Variants in MYO7A observed in about 807,000 individuals in gnomAD.
MYO7A encodes the protein myosin VIIA, also known as unconventional myosin-VIIa.
In MYO7A, 210 loss-of-function variants were observed where a neutral mutation model predicts 263.8. The observed-to-expected ratio is 0.80, with a 90% CI of 0.71 to 0.89. The LOEUF (loss-of-function observed/expected upper bound fraction) is 0.89. Ranked by LOEUF, MYO7A falls within the 40% of genes least tolerant of loss-of-function variation. The pLI is 0.00. For missense variants in MYO7A, 2,820 were observed against 2,968.3 expected (o/e 0.95, Z 1.16); for synonymous variants, 1,239 against 1,197.3 (o/e 1.03, Z -0.72).
intron 4 of MYO7A, among the ~76,000 whole-genome samples, chr11:77,149,239 C>T (rs550415775): frequency 1.3e-5 from 2 of 152,062 alleles, no homozygotes; most frequent in African/African-American, 2.4e-5. Context: ...GAGGGACCCC[C>T]CTGATGCAGG....
chr11:77,214,101 A>G lies in MYO7A; in HGVS notation c.6558+122A>G, dbSNP rs539743095. ...GGGCCTGGGGTCGTGGGCAAGGGTC[A>G]TGCTGGGGCCAAGGTCAGGTCAGTT... On this transcript the variant is annotated intron_variant, in intron 48 of 48. Transcript: ENST00000409709. The G allele has an allele frequency of 8.2e-5, 112 of 1,368,062 alleles. No individual in the cohort carries two copies. The African/African-American group carries it at 1.5e-3, about 19-fold the overall frequency. The allele number at this position is 1,368,062 out of a possible 1,614,324, so 84.7% of individuals were successfully genotyped here. A position where few individuals can be genotyped will look rare whatever the true frequency, so the allele number is the denominator to read the frequency against.
intron 2 of MYO7A, among the ~76,000 whole-genome samples, chr11:77,132,903 GGCC>G (rs1429062730): frequency 6.6e-6 from 1 of 152,222 alleles, no homozygotes; most frequent in Non-Finnish European, 1.5e-5. Context: ...CACTGGGCCC[GGCC>G]TGTGGAACTG....
Position 77,172,926 on chromosome 11 carries a change from G to A in MYO7A, c.1935+41G>A, listed in dbSNP as rs1488386983. ...CTGGGGTTGGCGGGTGGCGGCTAGG[G>A]TGACGTGGAGGAGCTAGGTCAAGAA... On this transcript the variant is annotated intron_variant, in intron 16 of 48. Coordinates refer to ENST00000409709, the MANE Select transcript of MYO7A (RefSeq NM_000260.4). The A allele has an allele frequency of 3.3e-6, 5 of 1,528,660 alleles. No individual in the cohort carries two copies. The South Asian group carries it at 4.9e-5, about 15-fold the overall frequency. 94.7% of individuals were successfully genotyped at this position (1,528,660 alleles called of 1,614,324 possible).
rs189128025 is a variant in MYO7A, at chr11:77,134,067, T to C, written c.18+3415T>C. On this transcript the variant is annotated intron_variant, in intron 2 of 48. Transcript: ENST00000409709. ...GCCTCAGCCTCCCAAGTAGCTGGGA[T>C]TACAAGCGTGCACCACCATACCTGG... Among the ~76,000 whole-genome samples, 211 of 151,954 alleles carry C rather than the reference T, an allele frequency of 1.4e-3. 2 individuals carry two copies. The highest frequency in any genetic ancestry group is 4.9e-3 in the African/African-American group (202 of 41,422).
At chr11:77,151,189 G>A (rs1360334439) in intron 4 of MYO7A, among the ~76,000 whole-genome samples, 1 of 152,230 alleles carries the variant, frequency 6.6e-6, no homozygotes, top group Non-Finnish European at 1.5e-5. Flanking sequence ...CATGGTCCTA[G>A]AGAGCAAGGA....
At chr11:77,135,211 A>G (rs1215008996) in intron 2 of MYO7A, among the ~76,000 whole-genome samples, 3 of 152,222 alleles carry the variant, frequency 2.0e-5, no homozygotes, top group Non-Finnish European at 2.9e-5. Context: ...CCATTAAACA[A>G]TAACTCCCCA....
chr11:77,145,213 A>G (rs948496495), intron 3 of MYO7A, among the ~76,000 whole-genome samples: 1 of 152,206 alleles, frequency 6.6e-6, no homozygotes, highest in Non-Finnish European at 1.5e-5. Flanking sequence ...CAGTAGAGTG[A>G]CAATGCCCAG....
At position 77,203,051 on chromosome 11, in the gene MYO7A, C is replaced by T; in HGVS notation, c.5169-9C>T. The T allele has an allele frequency of 6.5e-7, 1 of 1,547,546 alleles. No homozygotes were observed. Among genetic ancestry groups the T allele is most frequent in the Non-Finnish European group, 8.7e-7 (1 of 1,146,478 alleles). On this transcript the variant is annotated splice_polypyrimidine_tract_variant and intron_variant, in intron 37 of 48. Coordinates refer to ENST00000409709, the MANE Select transcript of MYO7A (RefSeq NM_000260.4). ...TGGGGCGTTGCTGACGGTCCCTGTG[C>T]TGCGGCAGGCCCCCACCCAAGCACA... is the stretch of plus-strand genomic sequence containing the variant.
At chr11:77,128,747 G>A (rs1237203877) in intron 1 of MYO7A, among the ~76,000 whole-genome samples, 2 of 152,210 alleles carry the variant, frequency 1.3e-5, no homozygotes, top group Non-Finnish European at 2.9e-5. Flanking sequence ...GCTGGGGCTG[G>A]GGTTAGTGGC....
chr11:77,211,759 G>A, intron 45 of MYO7A, 62 bp from the exon 46 acceptor site: 2 of 1,342,706 alleles, frequency 1.5e-6, no homozygotes, highest in Non-Finnish European at 2.1e-6. Flanking sequence ...CTCTGAGCTG[G>A]CCTGCCCTGA....
At chr11:77,155,842 G>A in intron 4 of MYO7A, 65 bp from the exon 5 acceptor site, 1 of 1,477,496 alleles carries the variant, frequency 6.8e-7, no homozygotes, top group Non-Finnish European at 9.1e-7. Context: ...CAGAGCCCAA[G>A]AGCTTTCTAG....
chr11:77,174,619 GC>G, intron 16 of MYO7A, 136 bp from the exon 17 acceptor site: 1 of 822,944 alleles, frequency 1.2e-6, no homozygotes, highest in South Asian at 1.7e-5. Flanking sequence ...AGATCCCGGT[GC>G]CTGTCCCAGC....
intron 1 of MYO7A, among the ~76,000 whole-genome samples, chr11:77,130,207 G>A (rs1162474120): frequency 6.6e-6 from 1 of 152,244 alleles, no homozygotes; most frequent in African/African-American, 2.4e-5. Flanking sequence ...CAGTCCCTAA[G>A]CTGAGTGCCG....
chr11:77,130,923 G>T (rs180841427), intron 2 of MYO7A, among the ~76,000 whole-genome samples: 36 of 152,350 alleles, frequency 2.4e-4, no homozygotes, highest in African/African-American at 8.4e-4. Context: ...AACAGCATGT[G>T]CAAAGGCCCA....
intron 31 of MYO7A, chr11:77,194,033 GC>G (rs1392259663): frequency 5.5e-6 from 3 of 549,054 alleles, no homozygotes; most frequent in Non-Finnish European, 1.0e-5. Context: ...GTCTCACAGG[GC>G]TGAGTGTGCA....
intron 47 of MYO7A, 123 bp downstream of exon 47, chr11:77,213,158 C>T (rs763034385): frequency 1.6e-5 from 12 of 763,352 alleles, no homozygotes; most frequent in Admixed American, 5.5e-5. Context: ...CCACCCATCA[C>T]GTGGCTTCAA....
rs530609646 is a variant in MYO7A at position 77,201,102 on chromosome 11, G to A, written c.4853-346G>A. Among the ~76,000 whole-genome samples the A allele has an allele frequency of 9.8e-5, 15 of 152,356 alleles. No individual in the cohort carries two copies. In the South Asian group the frequency reaches 1.9e-3, roughly 19 times the overall value. On this transcript the variant is annotated intron_variant, in intron 35 of 48. Transcript: ENST00000409709. ...GAGAGCTAAGCGTGATGCCAGCACA[G>A]AGGCGGGAGAAAGCTGGCCTGTCCA...
At chr11:77,131,153 C>T (rs1306746987) in intron 2 of MYO7A, among the ~76,000 whole-genome samples, 3 of 152,200 alleles carry the variant, frequency 2.0e-5, no homozygotes, top group Non-Finnish European at 4.4e-5. Flanking sequence ...CTACTGAGGG[C>T]CACAGTGGCC....
At chr11:77,191,615 G>T (rs1956077804) in intron 30 of MYO7A, among the ~76,000 whole-genome samples, 1 of 152,218 alleles carries the variant, frequency 6.6e-6, no homozygotes, top group South Asian at 2.1e-4. Flanking sequence ...CACCTCGGAG[G>T]CTGGAGCCTC....
Sources: gnomAD v4.1 joint callset for allele counts (sites outside exome capture counted in the v4.1 genomes callset) on GRCh38, gnomAD v4.1.1 for gene constraint, MANE v1.5 for transcripts, NCBI Gene and HGNC (gene_info 2026-07-23, HGNC 2026-07-21) for gene names.